RPH3AL: variants seen among roughly 807,000 people sequenced by gnomAD.
RPH3AL encodes the protein rab effector Noc2.
Under a neutral mutation model 43.1 loss-of-function variants are expected in RPH3AL, and 38 were observed. That is an observed-to-expected ratio of 0.88 (90% CI 0.68 to 1.15). The LOEUF (loss-of-function observed/expected upper bound fraction) is 1.15. Among genes scored for constraint, RPH3AL ranks in the 50% most tolerant of loss-of-function variants. The pLI is 0.00. For synonymous variants in RPH3AL, 189 were observed against 176.3 expected (o/e 1.07, Z -0.57); for missense variants, 462 against 423.2 (o/e 1.09, Z -0.81).
intron 7 of RPH3AL, among the ~76,000 whole-genome samples, chr17:230,533 A>G (rs1338291709): frequency 6.6e-6 from 1 of 152,160 alleles, no homozygotes; most frequent in African/African-American, 2.4e-5. Context: ...AGAGAACAGG[A>G]AAAGCAAAGG....
chr17:319,663 T>C, intron 4 of RPH3AL, 114 bp from the exon 5 acceptor site: 6 of 1,292,810 alleles, frequency 4.6e-6, no homozygotes, highest in Non-Finnish European at 6.4e-6. Context: ...GGGATATTGT[T>C]CCTTGCCCCG....
At chr17:221,412 C>G (rs71372155) in intron 7 of RPH3AL, among the ~76,000 whole-genome samples, 2 of 130,864 alleles carry the variant, frequency 1.5e-5, no homozygotes, top group Admixed American at 7.7e-5. Flanking sequence ...AGCTCTGAGG[C>G]CTCCACTCAC....
At chr17:224,298 A>G (rs1225630140) in intron 7 of RPH3AL, among the ~76,000 whole-genome samples, 3 of 149,210 alleles carry the variant, frequency 2.0e-5, no homozygotes, top group African/African-American at 7.3e-5. Context: ...CCCTTTGTCT[A>G]CTTTTCCTCC....
chr17:223,272 C>T (rs892300365), intron 7 of RPH3AL, among the ~76,000 whole-genome samples: 17 of 151,858 alleles, frequency 1.1e-4, no homozygotes, highest in Admixed American at 1.3e-4. Flanking sequence ...TCCATCAATT[C>T]GCATAACATT....
At position 264,037 on chromosome 17, in the gene RPH3AL, G is replaced by A. The variant is rs375720531; in HGVS notation, c.439-16752C>T. Among the ~76,000 whole-genome samples the A allele has an allele frequency of 1.3e-3, 191 of 152,274 alleles. No individual in the cohort carries two copies. Among genetic ancestry groups the A allele is most frequent in the Middle Eastern group, 3.4e-3 (1 of 294 alleles). On this transcript the variant is annotated intron_variant, in intron 6 of 9. Transcript: ENST00000331302. This position sits in a 1 kb window ranked among gnomAD's most constrained non-coding sequence, Gnocchi z 4.8. ...ATGCTGCTTTCCAAGATGGCTGGGC[G>A]GGGATCTCTGATCAGATTTCAAAGC... is the stretch of plus-strand genomic sequence containing the variant.
At chr17:235,374 G>A (rs112389129) in intron 7 of RPH3AL, among the ~76,000 whole-genome samples, 3,338 of 141,534 alleles carry the variant, frequency 0.024, 54 homozygotes, top group Non-Finnish European at 0.037. Flanking sequence ...GGGGTCGGCC[G>A]AGGCTCTACA....
chr17:252,578 T>A (rs1555542965), intron 6 of RPH3AL, among the ~76,000 whole-genome samples: 1 of 152,140 alleles, frequency 6.6e-6, no homozygotes, highest in Non-Finnish European at 1.5e-5. Flanking sequence ...GCTCCACAGT[T>A]TGGATTTATT....
chr17:219,818 TC>T, intron 7 of RPH3AL, 82 bp from the exon 8 acceptor site: 2 of 1,004,702 alleles, frequency 2.0e-6, no homozygotes, highest in Non-Finnish European at 3.2e-6. Flanking sequence ...AGGGCAGGCC[TC>T]CCCAGCTCAT....
chr17:335,350 G>A (rs772859923), intron 1 of RPH3AL, among the ~76,000 whole-genome samples: 1 of 152,146 alleles, frequency 6.6e-6, no homozygotes, highest in Non-Finnish European at 1.5e-5. Context: ...GCCAACACCA[G>A]CGCTGCAGGA....
intron 7 of RPH3AL, among the ~76,000 whole-genome samples, chr17:226,658 T>C (rs1355159785): frequency 6.6e-6 from 1 of 152,216 alleles, no homozygotes; most frequent in Non-Finnish European, 1.5e-5. Flanking sequence ...CCTGGCTTCC[T>C]CGGGCTGCAA....
chr17:240,474 G>A (rs572172087), intron 7 of RPH3AL, among the ~76,000 whole-genome samples: 7 of 152,140 alleles, frequency 4.6e-5, no homozygotes, highest in Admixed American at 2.0e-4. Context: ...CCCAAGCCCT[G>A]GCAACCGCCC....
Position 273,014 on chromosome 17 carries a change from A to ACGT in RPH3AL, c.438+8753_438+8754insACG, listed in dbSNP as rs1311710536. On this transcript the variant is annotated intron_variant, in intron 6 of 9. Transcript: ENST00000331302. ...TCAGGGTGAGACCCCAGCGAGGGCGACATCAGGAAGAGACCCCAGCGAGGG... is the reference window on the plus strand; with the variant it reads ...TCAGGGTGAGACCCCAGCGAGGGCGACGTCATCAGGAAGAGACCCCAGCGAGGG... Among the ~76,000 whole-genome samples the ACGT allele has an allele frequency of 1.5e-4, 18 of 118,384 alleles. 2 individuals carry two copies. The highest frequency in any genetic ancestry group is 3.6e-4 in the African/African-American group (13 of 36,182). 77.7% of individuals were successfully genotyped at this position (118,384 alleles called of 152,430 possible).
In RPH3AL at chr17:346,977, G is replaced by A. The variant is rs1331483191; in HGVS notation, c.-213+5735C>T. ...TCAAACACTGTAAAATGGCCCAGCCGGCCAGGCGCGGTGGCTCACGCCTGT... is the reference window on the plus strand; with the variant it reads ...TCAAACACTGTAAAATGGCCCAGCCAGCCAGGCGCGGTGGCTCACGCCTGT... On this transcript the variant is annotated intron_variant, in intron 1 of 9. Coordinates refer to ENST00000331302, the MANE Select transcript of RPH3AL (RefSeq NM_006987.4). Among the ~76,000 whole-genome samples, 4 of 135,746 alleles carry A rather than the reference G, an allele frequency of 2.9e-5. 1 individual carries two copies. The highest frequency in any genetic ancestry group is 7.6e-5 in the African/African-American group (3 of 39,584). The allele number at this position is 135,746 out of a possible 152,430, so 89.1% of individuals were successfully genotyped here. A position where few individuals can be genotyped will look rare whatever the true frequency, so the allele number is the denominator to read the frequency against.
At chr17:268,368 TTTC>T (rs1219396687) in intron 6 of RPH3AL, among the ~76,000 whole-genome samples, 1 of 152,160 alleles carries the variant, frequency 6.6e-6, no homozygotes, top group East Asian at 1.9e-4. Flanking sequence ...TCCTCATGAT[TTTC>T]TTAATAACAT....
chr17:215,022 G>T lies in RPH3AL; in HGVS notation c.876+632C>A, dbSNP rs79022109. Among the ~76,000 whole-genome samples the T allele has an allele frequency of 8.8e-3, 1,347 of 152,308 alleles. 10 individuals carry two copies. The highest frequency in any genetic ancestry group is 0.027 in the Middle Eastern group (8 of 292). The stretch of plus-strand genomic sequence containing the variant: ...AGGTGCGGCAGGCGTTCCTGTGGGT[G>T]GCTGCCGGGTGCCCTCCACACCCCG... On this transcript the variant is annotated intron_variant, in intron 9 of 9. Coordinates refer to ENST00000331302, the MANE Select transcript of RPH3AL (RefSeq NM_006987.4). The surrounding 1 kb of genome is among the most constrained non-coding windows in gnomAD (Gnocchi z 4.1).
At chr17:296,380 A>G (rs2043179025) in intron 5 of RPH3AL, among the ~76,000 whole-genome samples, 1 of 122,670 alleles carries the variant, frequency 8.2e-6, no homozygotes, top group Non-Finnish European at 1.7e-5. Flanking sequence ...GGGACAGAGG[A>G]GCTGCAGAAA....
At chr17:317,555 C>T (rs114066480) in intron 5 of RPH3AL, among the ~76,000 whole-genome samples, 3,537 of 151,810 alleles carry the variant, frequency 0.023, 129 homozygotes, top group African/African-American at 0.08. Flanking sequence ...CCCACCTCCA[C>T]TGACCTGTAG....
Position 342,473 on chromosome 17 carries a change from A to G in RPH3AL, c.-212-8539T>C, listed in dbSNP as rs115271324. ...ACAACTCAAATGTCCATCAACTGGG[A>G]AAAGGACAAACAAAATATGGTGTAT... On this transcript the variant is annotated intron_variant, in intron 1 of 9. Transcript: ENST00000331302. Among the ~76,000 whole-genome samples, 1,513 of 152,374 alleles carry G rather than the reference A, an allele frequency of 9.9e-3. 26 individuals are homozygous for G. The highest frequency in any genetic ancestry group is 0.034 in the African/African-American group (1,419 of 41,574).
At chr17:232,477 C>T (rs568210337) in intron 7 of RPH3AL, among the ~76,000 whole-genome samples, 3 of 152,198 alleles carry the variant, frequency 2.0e-5, no homozygotes, top group Non-Finnish European at 4.4e-5. Flanking sequence ...ACCCAGGCCT[C>T]GGCTGACCCT....
Sources: allele counts gnomAD v4.1 joint callset (sites outside exome capture counted in the v4.1 genomes callset), GRCh38; gene constraint gnomAD v4.1.1; non-coding constraint Gnocchi (gnomAD v3.1); transcripts MANE v1.5; gene names NCBI Gene and HGNC (gene_info 2026-07-23, HGNC 2026-07-21).